PCDHGA2: variants seen among roughly 807,000 people sequenced by gnomAD.
PCDHGA2 encodes protocadherin gamma-A2.
A neutral mutation model predicts 59.2 loss-of-function variants in PCDHGA2; 40 were observed. The ratio of observed to expected loss-of-function variants is 0.68; its 90% CI spans 0.52 to 0.88. The LOEUF (loss-of-function observed/expected upper bound fraction) is 0.88. Among genes scored for constraint, PCDHGA2 ranks in the 40% least tolerant of loss-of-function variants. PCDHGA2 has a pLI of 0.00. For synonymous variants in PCDHGA2, 560 were observed against 526.0 expected, an observed-to-expected ratio of 1.06 and a Z score of -0.89; for missense variants, 1,226 against 1,204.0, an observed-to-expected ratio of 1.02 and a Z score of -0.27.
intron 1 of PCDHGA2, chr5:141,350,701 A>G (rs1296058954): frequency 5.6e-6 from 9 of 1,613,890 alleles, no homozygotes; most frequent in Non-Finnish European, 7.6e-6. Flanking sequence ...TACCCGGGGT[A>G]AAATTCTCTC....
intron 1 of PCDHGA2, among the ~76,000 whole-genome samples, chr5:141,406,983 A>G (rs997882236): frequency 6.6e-6 from 1 of 152,250 alleles, no homozygotes; most frequent in Non-Finnish European, 1.5e-5. Context: ...AACATTTCAC[A>G]AGACATTTGA....
chr5:141,372,115 T>C, intron 1 of PCDHGA2: 1 of 1,613,758 alleles, frequency 6.2e-7, no homozygotes, highest in Non-Finnish European at 8.5e-7. Flanking sequence ...GGCTCTGCGC[T>C]CTTCGATATG....
In PCDHGA2 at chr5:141,340,252, AG is replaced by A; in HGVS notation, c.1284del (p.Asn429ThrfsTer46). 6.2e-7 allele frequency: 1 copy of A among 1,614,180 alleles called. No individual in the cohort carries two copies. The highest frequency in any genetic ancestry group is 1.1e-5 in the South Asian group (1 of 91,082). On this transcript the variant is annotated frameshift_variant, in exon 1 of 4. Coordinates refer to ENST00000394576, the MANE Select transcript of PCDHGA2 (RefSeq NM_018915.4). LOFTEE classifies it high-confidence loss of function. Reference sequence around the variant, plus strand: ...ACATCACTCTAACCGCTAAAGATGGAGGGAACCCCTCCCTGTCCACGGATGC... The same window carrying A: ...ACATCACTCTAACCGCTAAAGATGGAGGAACCCCTCCCTGTCCACGGATGC... ...YNITLTAKDGGNPSLSTDAHI... is the reference protein window; with the variant it reads ...YNITLTAKDGXNPSLSTDAHI...
chr5:141,472,673 C>T (rs2099292538), intron 1 of PCDHGA2, among the ~76,000 whole-genome samples: 3 of 151,340 alleles, frequency 2.0e-5, no homozygotes, highest in Admixed American at 2.0e-4. Context: ...GTATACTGGT[C>T]CTTCCATTTC....
At chr5:141,419,504 C>A in intron 1 of PCDHGA2, 1 of 1,612,298 alleles carries the variant, frequency 6.2e-7, no homozygotes, top group Non-Finnish European at 8.5e-7. Flanking sequence ...TGTGAGCCTG[C>A]GCGTGTTGGT....
intron 1 of PCDHGA2, chr5:141,393,991 A>C (rs2092893166): frequency 6.2e-7 from 1 of 1,613,604 alleles, no homozygotes; most frequent in East Asian, 2.2e-5. Flanking sequence ...TTACCTTTTA[A>C]ATTAGAAAAG....
At chr5:141,376,381 T>A in intron 1 of PCDHGA2, 2 of 1,613,972 alleles carry the variant, frequency 1.2e-6, no homozygotes, top group Non-Finnish European at 1.7e-6. Flanking sequence ...CGCGTAAGAG[T>A]CATCTGATTT....
chr5:141,392,242 G>A (rs1294476832), intron 1 of PCDHGA2: 1 of 152,134 alleles, frequency 6.6e-6, no homozygotes, highest in African/African-American at 2.4e-5. Context: ...TTAGTTATTT[G>A]TTAGTATATA....
chr5:141,384,586 C>T lies in PCDHGA2; in HGVS notation c.2424+43191C>T, dbSNP rs747814318. ...CCAGAATGACAACCCGCCCGAGATC[C>T]TGTACCCGGCCCTCCCCACAGATGG... On this transcript the variant is annotated intron_variant, in intron 1 of 3. Transcript: ENST00000394576. The T allele has an allele frequency of 2.5e-6, 4 of 1,614,274 alleles. No homozygotes were observed. In the South Asian group the frequency reaches 4.4e-5, roughly 18 times the overall value.
At chr5:141,422,984 G>T in intron 1 of PCDHGA2, 2 of 1,614,230 alleles carry the variant, frequency 1.2e-6, no homozygotes, top group Non-Finnish European at 1.7e-6. Flanking sequence ...GCGGAACCTG[G>T]CTACCTGGTG....
chr5:141,374,478 G>A (rs781173070), intron 1 of PCDHGA2: 6 of 1,611,820 alleles, frequency 3.7e-6, no homozygotes, highest in Non-Finnish European at 5.1e-6. Context: ...AATACACCCC[G>A]ATTCTTAAAG....
At chr5:141,400,511 C>T (rs1456963604) in intron 1 of PCDHGA2, 2 of 1,613,824 alleles carry the variant, frequency 1.2e-6, no homozygotes, top group Admixed American at 3.3e-5. Flanking sequence ...GAGTCGACTT[C>T]CCATCCTGAG....
rs192631651 is a variant in PCDHGA2, at chr5:141,432,052, C to G, written c.2425-62755C>G. On this transcript the variant is annotated intron_variant, in intron 1 of 3. Transcript: ENST00000394576. The surrounding 1 kb of genome is among the most constrained non-coding windows in gnomAD (Gnocchi z 6.0). Reference sequence around the variant, plus strand: ...CCGCCACTGACCGGGGAACCCCGCCCCTATCCACGGAAACTCATATCTCGC... The same window carrying G: ...CCGCCACTGACCGGGGAACCCCGCCGCTATCCACGGAAACTCATATCTCGC... The G allele has an allele frequency of 8.1e-6, 13 of 1,614,226 alleles. No homozygotes were observed. In the Admixed American group the frequency reaches 1.8e-4, roughly 23 times the overall value.
At chr5:141,508,029 A>C (rs941166006) in intron 3 of PCDHGA2, 10 of 152,264 alleles carry the variant, frequency 6.6e-5, no homozygotes, top group African/African-American at 2.4e-4. Flanking sequence ...TGCGGTTTGC[A>C]GCTCAGCCAG....
intron 1 of PCDHGA2, among the ~76,000 whole-genome samples, chr5:141,435,840 T>G (rs1408413470): frequency 6.6e-6 from 1 of 152,118 alleles, no homozygotes; most frequent in Non-Finnish European, 1.5e-5. Context: ...CCTATCTACT[T>G]TGAAAGATAC....
intron 1 of PCDHGA2, chr5:141,398,802 C>A: frequency 6.2e-7 from 1 of 1,613,982 alleles, no homozygotes; most frequent in Non-Finnish European, 8.5e-7. Context: ...TAAGCGGCAC[C>A]ACTGAGCTCC....
Position 141,491,883 on chromosome 5 carries a change from G to T in PCDHGA2, c.2425-2924G>T. On this transcript the variant is annotated intron_variant, in intron 1 of 3. Transcript: ENST00000394576. The surrounding 1 kb of genome is among the most constrained non-coding windows in gnomAD (Gnocchi z 6.9). The stretch of plus-strand genomic sequence containing the variant: ...AAACCAGAGTGGCCGATTAAGGGAT[G>T]GGGCTCCGAGCACCGGGGGTGGTGG... 1 of 1,446,756 alleles carries T rather than the reference G, an allele frequency of 6.9e-7. No individual in the cohort carries two copies. Among genetic ancestry groups the T allele is most frequent in the South Asian group, 1.5e-5 (1 of 67,644 alleles). 89.6% of individuals were successfully genotyped at this position (1,446,756 alleles called of 1,614,324 possible). A position where few individuals can be genotyped will look rare whatever the true frequency, so the allele number is the denominator to read the frequency against.
chr5:141,500,877 A>ATTT (rs369345007), intron 2 of PCDHGA2, among the ~76,000 whole-genome samples: 1 of 122,288 alleles, frequency 8.2e-6, no homozygotes, highest in Admixed American at 8.0e-5. Context: ...TTCATTTACA[A>ATTT]TTTTTTTTTT....
intron 1 of PCDHGA2, chr5:141,366,222 C>A: frequency 3.7e-6 from 6 of 1,613,804 alleles, no homozygotes; most frequent in Non-Finnish European, 5.1e-6. Context: ...ACAGCGCGAG[C>A]CCTGCTGGAC....
Sources: gnomAD v4.1 joint callset for allele counts (sites outside exome capture counted in the v4.1 genomes callset) on GRCh38, gnomAD v4.1.1 for gene constraint, Gnocchi (gnomAD v3.1) non-coding constraint, MANE v1.5 for transcripts, NCBI Gene and HGNC (gene_info 2026-07-23, HGNC 2026-07-21) for gene names.